CHLSN: variants seen among roughly 807,000 people sequenced by gnomAD.
The protein encoded by CHLSN is cholesin, also known as protein cholesin.
chr7:1,058,168 C>T, the CHLSN span: 17 of 737,824 alleles, frequency 2.3e-5, no homozygotes, highest in African/African-American at 8.5e-5. Context: ...AGGGAGGACA[C>T]GCCCCTGGAC....
At chr7:1,091,793 C>T in the CHLSN span, 18 of 1,588,696 alleles carry the variant, frequency 1.1e-5, no homozygotes, top group Admixed American at 5.1e-5. Context: ...GCGCAGCCTG[C>T]GGCCCCCAAC....
chr7:1,099,398 C>T, the CHLSN span, among the ~76,000 whole-genome samples: 1 of 152,262 alleles, frequency 6.6e-6, no homozygotes, highest in Non-Finnish European at 1.5e-5. Flanking sequence ...ACACACACTT[C>T]GTTAGCAGCC....
chr7:1,100,238 T>C, the CHLSN span, among the ~76,000 whole-genome samples: 1 of 152,164 alleles, frequency 6.6e-6, no homozygotes, highest in East Asian at 1.9e-4. Flanking sequence ...CCATGTCTCG[T>C]TTGCTGGCAC....
the CHLSN span, chr7:1,058,833 G>A: frequency 2.7e-6 from 1 of 369,816 alleles, no homozygotes; most frequent in African/African-American, 2.0e-5. Flanking sequence ...TGAAAGCTTA[G>A]AGCCAGTATT....
At chr7:1,137,023 G>A in the CHLSN span, among the ~76,000 whole-genome samples, 1 of 152,098 alleles carries the variant, frequency 6.6e-6, no homozygotes. Flanking sequence ...CAGATGGTGT[G>A]TCACCTCCAC....
chr7:994,733 C>T, the CHLSN span, among the ~76,000 whole-genome samples: 1 of 152,236 alleles, frequency 6.6e-6, no homozygotes, highest in Non-Finnish European at 1.5e-5. Context: ...GCCGCCGCAC[C>T]CGGCATGAGT....
At chr7:1,053,578 A>C in the CHLSN span, among the ~76,000 whole-genome samples, 1 of 152,222 alleles carries the variant, frequency 6.6e-6, no homozygotes, top group Non-Finnish European at 1.5e-5. Context: ...CTGTAATCCC[A>C]GCACTTTGGG....
At chr7:1,035,449 A>T in the CHLSN span, among the ~76,000 whole-genome samples, 3 of 152,384 alleles carry the variant, frequency 2.0e-5, no homozygotes, top group Non-Finnish European at 4.4e-5. Context: ...AATCTTTTCA[A>T]CAAATGCTGC....
the CHLSN span, among the ~76,000 whole-genome samples, chr7:1,116,583 T>G: frequency 5.3e-4 from 16 of 30,438 alleles, 4 homozygotes; most frequent in African/African-American, 2.3e-3. Context: ...ATCACTACAG[T>G]TCTACGGACC....
chr7:1,113,432 C>G, the CHLSN span, among the ~76,000 whole-genome samples: 1 of 152,210 alleles, frequency 6.6e-6, no homozygotes, highest in Non-Finnish European at 1.5e-5. Context: ...GGTGCTGTTC[C>G]TGTTCGGAGC....
At chr7:1,015,754 G>A in the CHLSN span, among the ~76,000 whole-genome samples, 1 of 152,194 alleles carries the variant, frequency 6.6e-6, no homozygotes, top group Admixed American at 6.5e-5. Flanking sequence ...CCCTCGTGGA[G>A]GCACCAAGGC....
chr7:1,030,737 ACTCTCT>A, the CHLSN span, among the ~76,000 whole-genome samples: 22 of 145,992 alleles, frequency 1.5e-4, no homozygotes, highest in African/African-American at 5.0e-4. Context: ...GCAGGGGGGG[ACTCTCT>A]CTCTCTCCCG....
At chr7:1,058,741 C>G in the CHLSN span, 1 of 571,370 alleles carries the variant, frequency 1.8e-6, no homozygotes. Context: ...TGTGCGTCTC[C>G]CAAACACGCA....
chr7:1,135,163 T>A, the CHLSN span, among the ~76,000 whole-genome samples: 227 of 152,258 alleles, frequency 1.5e-3, 1 homozygote, highest in African/African-American at 5.4e-3. Context: ...CCTTGAACAC[T>A]GAAGGACCCA....
the CHLSN span, chr7:1,081,812 A>G: frequency 7.5e-6 from 1 of 132,546 alleles, no homozygotes. Context: ...CTGCCTGCAC[A>G]GGGGCCCCTC....
chr7:1,041,319 C>CA, the CHLSN span, among the ~76,000 whole-genome samples: 253 of 115,956 alleles, frequency 2.2e-3, 15 homozygotes, highest in Middle Eastern at 4.5e-3. Context: ...GTCCGCGCTG[C>CA]GGGGAAGGGG....
the CHLSN span, among the ~76,000 whole-genome samples, chr7:1,001,932 C>T: frequency 3.5e-4 from 9 of 25,426 alleles, no homozygotes; most frequent in African/African-American, 4.8e-4. Context: ...GGGAGTCCTG[C>T]GGGTGGGGAG....
At chr7:1,042,704 C>T in the CHLSN span, among the ~76,000 whole-genome samples, 1 of 152,150 alleles carries the variant, frequency 6.6e-6, no homozygotes, top group Non-Finnish European at 1.5e-5. Flanking sequence ...AGCCACAGAG[C>T]ACCCCTGTGG....
the CHLSN span, among the ~76,000 whole-genome samples, chr7:1,048,844 G>A: frequency 1.9e-4 from 29 of 152,230 alleles, no homozygotes; most frequent in African/African-American, 6.8e-4. Flanking sequence ...GACCCCTGGA[G>A]CAGGTTCTCC....
Sources: gnomAD v4.1 joint callset for allele counts (sites outside exome capture counted in the v4.1 genomes callset) on GRCh38, gnomAD v4.1.1 for gene constraint, MANE v1.5 for transcripts, NCBI Gene and HGNC (gene_info 2026-07-23, HGNC 2026-07-21) for gene names.